RBFOX1: variants seen among roughly 807,000 people sequenced by gnomAD.
RBFOX1 encodes RNA binding protein fox-1 homolog 1.
RBFOX1 carries 8 observed loss-of-function variants against 57.7 expected under a neutral mutation model. That is an observed-to-expected ratio of 0.14 (90% CI 0.08 to 0.25). The LOEUF is 0.25. Among genes scored for constraint, RBFOX1 ranks in the 10% least tolerant of loss-of-function variants. The pLI is 1.00. For missense variants in RBFOX1, 611 were observed against 548.5 expected (o/e 1.11, Z -1.14); for synonymous variants, 326 against 222.4 (o/e 1.47, Z -4.15).
At chr16:7,554,908 A>T (rs970251575) in intron 5 of RBFOX1, among the ~76,000 whole-genome samples, 2 of 152,202 alleles carry the variant, frequency 1.3e-5, no homozygotes, top group Non-Finnish European at 2.9e-5. Context: ...CATAAATCCA[A>T]GGTGTTGGGA....
intron 3 of RBFOX1, among the ~76,000 whole-genome samples, chr16:6,726,115 C>A (rs1382416769): frequency 6.6e-6 from 1 of 152,154 alleles, no homozygotes; most frequent in Non-Finnish European, 1.5e-5. Flanking sequence ...AACTTTGTTA[C>A]ACAGAGCCAG....
chr16:5,854,816 T>C (rs555369846), intron 3 of RBFOX1, among the ~76,000 whole-genome samples: 2 of 152,332 alleles, frequency 1.3e-5, no homozygotes, highest in African/African-American at 4.8e-5. Context: ...CTTTCCATAA[T>C]GGCTCTATCA....
chr16:7,673,254 G>C (rs991359548), intron 13 of RBFOX1, among the ~76,000 whole-genome samples: 6 of 152,168 alleles, frequency 3.9e-5, no homozygotes, highest in Non-Finnish European at 8.8e-5. Flanking sequence ...CAAATTCTCT[G>C]AGATGCCTTG....
intron 3 of RBFOX1, among the ~76,000 whole-genome samples, chr16:5,770,686 C>G (rs891812912): frequency 7.9e-5 from 12 of 152,182 alleles, no homozygotes; most frequent in Non-Finnish European, 1.8e-4. Flanking sequence ...GCCAAGAACC[C>G]TCCTGGGCTA....
chr16:7,001,379 TG>T (rs1435866423), intron 3 of RBFOX1, among the ~76,000 whole-genome samples: 51 of 130,770 alleles, frequency 3.9e-4, no homozygotes, highest in Non-Finnish European at 6.5e-4. Context: ...TGTATGTGTA[TG>T]TGTATGTGTA....
intron 11 of RBFOX1, among the ~76,000 whole-genome samples, chr16:7,635,498 G>C (rs1337841880): frequency 6.6e-6 from 1 of 151,952 alleles, no homozygotes; most frequent in Non-Finnish European, 1.5e-5. Context: ...CCTTAAAAGT[G>C]TGTGGACGCC....
intron 4 of RBFOX1, among the ~76,000 whole-genome samples, chr16:5,912,040 C>T (rs1007859276): frequency 2.1e-4 from 32 of 152,144 alleles, no homozygotes; most frequent in African/African-American, 7.7e-4. Flanking sequence ...CTGATTCATC[C>T]ATCCTCACCA....
intron 3 of RBFOX1, among the ~76,000 whole-genome samples, chr16:6,945,525 G>T (rs1445810227): frequency 6.6e-6 from 1 of 151,556 alleles, no homozygotes; most frequent in Non-Finnish European, 1.5e-5. Flanking sequence ...AACACTACCT[G>T]ACCATGTAAA....
At chr16:5,454,932 TTCCTTCCTTCCTTCCTTC>T (rs1567535611) in intron 1 of RBFOX1, among the ~76,000 whole-genome samples, 3,955 of 63,546 alleles carry the variant, frequency 0.062, 473 homozygotes, top group East Asian at 0.1. Context: ...TCTTTCTTCC[TTCCTTCCTTCCTTCCTTC>T]CTTCCTTCCT....
At chr16:5,873,443 C>G (rs997091781) in intron 4 of RBFOX1, among the ~76,000 whole-genome samples, 2 of 152,214 alleles carry the variant, frequency 1.3e-5, no homozygotes, top group Non-Finnish European at 2.9e-5. Context: ...ATAGTCATCT[C>G]CGTCCTTGAA....
chr16:6,281,249 G>C (rs192327962), intron 1 of RBFOX1, among the ~76,000 whole-genome samples: 32 of 152,164 alleles, frequency 2.1e-4, no homozygotes, highest in African/African-American at 7.0e-4. Flanking sequence ...TTGCAGATGT[G>C]ATCCCACGGA....
chr16:6,889,786 G>C (rs187482958), intron 3 of RBFOX1, among the ~76,000 whole-genome samples: 2 of 152,326 alleles, frequency 1.3e-5, no homozygotes, highest in Non-Finnish European at 2.9e-5. Context: ...CAAAGGTTGG[G>C]TGAGATTTTA....
chr16:5,424,637 TAACA>T (rs1398829492), intron 1 of RBFOX1, among the ~76,000 whole-genome samples: 3 of 151,982 alleles, frequency 2.0e-5, no homozygotes, highest in Non-Finnish European at 4.4e-5. Flanking sequence ...TTTATGTATC[TAACA>T]AACCTGCACA....
intron 2 of RBFOX1, among the ~76,000 whole-genome samples, chr16:5,470,835 C>T (rs547984854): frequency 6.6e-6 from 1 of 152,140 alleles, no homozygotes; most frequent in African/African-American, 2.4e-5. Context: ...TTTTTCATAC[C>T]AGTGCAGTGA....
At chr16:6,640,798 A>T (rs1435268246) in intron 2 of RBFOX1, among the ~76,000 whole-genome samples, 1 of 152,100 alleles carries the variant, frequency 6.6e-6, no homozygotes, top group Non-Finnish European at 1.5e-5. Flanking sequence ...CTTGAACCAG[A>T]ATACGTTCTC....
chr16:7,329,339 A>T (rs1029932437), intron 4 of RBFOX1, among the ~76,000 whole-genome samples: 25 of 152,132 alleles, frequency 1.6e-4, no homozygotes, highest in African/African-American at 6.0e-4. Flanking sequence ...AAGTTCCTGC[A>T]TTACACCGTG....
intron 4 of RBFOX1, among the ~76,000 whole-genome samples, chr16:7,280,623 A>G (rs1050368845): frequency 2.6e-5 from 4 of 152,204 alleles, no homozygotes; most frequent in South Asian, 2.1e-4. Flanking sequence ...AGCTCCGCAC[A>G]TAAGGACAGA....
intron 2 of RBFOX1, among the ~76,000 whole-genome samples, chr16:5,542,837 A>G (rs60261880): frequency 0.29 from 44,369 of 152,116 alleles, 7,133 homozygotes; most frequent in Non-Finnish European, 0.36. Flanking sequence ...CTAAGGTTCA[A>G]TGTCCACTCA....
intron 3 of RBFOX1, among the ~76,000 whole-genome samples, chr16:5,726,939 C>G (rs530022302): frequency 6.6e-6 from 1 of 152,046 alleles, no homozygotes; most frequent in African/African-American, 2.4e-5. Context: ...TGGGTGGGCA[C>G]TCTTAGCCCT....
Sources: gnomAD v4.1 joint callset for allele counts (sites outside exome capture counted in the v4.1 genomes callset) on GRCh38, gnomAD v4.1.1 for gene constraint, MANE v1.5 for transcripts, NCBI Gene and HGNC (gene_info 2026-07-23, HGNC 2026-07-21) for gene names.